Variants in BRF1 observed in about 807,000 individuals in gnomAD.
BRF1 encodes the protein BRF1 general transcription factor IIIB subunit.
In BRF1, 59 loss-of-function variants were observed where a neutral mutation model predicts 81.7. That is an observed-to-expected ratio of 0.72 (90% CI 0.59 to 0.90). The LOEUF (loss-of-function observed/expected upper bound fraction) is 0.90, where lower values mean the gene tolerates loss of function less well. Ranked by LOEUF, BRF1 falls within the 40% of genes least tolerant of loss-of-function variation. The probability of loss-of-function intolerance (pLI) is 0.00; values close to 1 mark genes in which losing one functional copy is unlikely to be tolerated. For synonymous variants in BRF1, 491 were observed against 395.6 expected (o/e 1.24, Z -2.86); for missense variants, 1,050 against 936.3 (o/e 1.12, Z -1.58).
chr14:105,293,661 G>A (rs780313150), intron 1 of BRF1, among the ~76,000 whole-genome samples: 1 of 152,150 alleles, frequency 6.6e-6, no homozygotes, highest in Admixed American at 6.5e-5. Flanking sequence ...CAACTCCACC[G>A]TCTGCCTGGC....
At chr14:105,229,235 G>T (rs1038654560) in intron 6 of BRF1, among the ~76,000 whole-genome samples, 12 of 152,248 alleles carry the variant, frequency 7.9e-5, no homozygotes, top group African/African-American at 2.9e-4. Context: ...GCTTGTGATG[G>T]GAGCTGGGGA....
rs760270 is a variant in BRF1 at position 105,271,448 on chromosome 14, A to G, written c.439+1273T>C. Among the ~76,000 whole-genome samples the G allele has an allele frequency of 0.24, 36,498 of 152,198 alleles. 4,687 individuals are homozygous for G. Among genetic ancestry groups the G allele is most frequent in the South Asian group, 0.28 (1,357 of 4,828 alleles). ...CAGGGGCGCAGGCTGGGAGGCAGAC[A>G]TGTGGCCGGGCACGCCACGCCCACC... On this transcript the variant is annotated intron_variant, in intron 3 of 17. Transcript: ENST00000547530. This position sits in a 1 kb window ranked among gnomAD's most constrained non-coding sequence, Gnocchi z 5.5.
At chr14:105,282,874 AG>A in intron 2 of BRF1, among the ~76,000 whole-genome samples, 1 of 152,340 alleles carries the variant, frequency 6.6e-6, no homozygotes, top group African/African-American at 2.4e-5. Flanking sequence ...CGGAGGTTGC[AG>A]TGAGCCCAGA....
intron 5 of BRF1, chr14:105,249,320 G>A (rs1362743499): frequency 1.3e-6 from 2 of 1,596,200 alleles, no homozygotes; most frequent in African/African-American, 2.7e-5. Context: ...CACGCAGCCT[G>A]CGGGAGAGCC....
At chr14:105,260,785 C>T (rs2056111857) in intron 3 of BRF1, among the ~76,000 whole-genome samples, 1 of 152,232 alleles carries the variant, frequency 6.6e-6, no homozygotes, top group African/African-American at 2.4e-5. Flanking sequence ...ATGAAAATCA[C>T]CTGGCACTTG....
At position 105,222,228 on chromosome 14, in the gene BRF1, C is replaced by G. The variant is rs1334601491; in HGVS notation, c.1049-314G>C. 21 of 289,712 alleles carry G rather than the reference C, an allele frequency of 7.2e-5. No homozygotes were observed. In the Admixed American group the frequency reaches 1.2e-3, roughly 16 times the overall value. 17.9% of individuals were successfully genotyped at this position (289,712 alleles called of 1,614,324 possible). Reference sequence around the variant, plus strand: ...TTCTAAAAGCAGAATCCATAAAACACTGATAAAACGGATTTCCAAAAAATT... The same window carrying G: ...TTCTAAAAGCAGAATCCATAAAACAGTGATAAAACGGATTTCCAAAAAATT... On this transcript the variant is annotated intron_variant, in intron 10 of 17. Transcript: ENST00000547530.
At chr14:105,286,741 G>A (rs1328259809) in intron 1 of BRF1, among the ~76,000 whole-genome samples, 3 of 152,182 alleles carry the variant, frequency 2.0e-5, no homozygotes, top group African/African-American at 7.2e-5. Flanking sequence ...AAGTAGCTGG[G>A]ACTATAGGTG....
upstream of BRF1, among the ~76,000 whole-genome samples, chr14:105,302,198 TTC>T (rs2058057674): frequency 6.6e-6 from 1 of 150,972 alleles, no homozygotes; most frequent in South Asian, 2.1e-4. Context: ...CCTCTTTTTT[TTC>T]TTTCTTTTTT....
chr14:105,241,526 G>A, intron 5 of BRF1, 112 bp from the exon 6 acceptor site: 1 of 1,387,994 alleles, frequency 7.2e-7, no homozygotes, highest in Non-Finnish European at 9.8e-7. Flanking sequence ...CAGGCCCCCA[G>A]GCCCCCCACC....
At chr14:105,285,230 A>G (rs375115670) in intron 2 of BRF1, among the ~76,000 whole-genome samples, 298 of 152,346 alleles carry the variant, frequency 2.0e-3, no homozygotes, top group Middle Eastern at 0.01. Flanking sequence ...GAAAGAGAGC[A>G]GTTAGAGGAC....
At chr14:105,295,303 CAAAA>C (rs869251134) in intron 1 of BRF1, among the ~76,000 whole-genome samples, 1 of 36,596 alleles carries the variant, frequency 2.7e-5, no homozygotes, top group Non-Finnish European at 6.2e-5. Flanking sequence ...CACATCTCTA[CAAAA>C]AAAAAAAAAA....
At chr14:105,283,556 G>A (rs2057198224) in intron 2 of BRF1, among the ~76,000 whole-genome samples, 1 of 152,212 alleles carries the variant, frequency 6.6e-6, no homozygotes, top group Admixed American at 6.5e-5. Flanking sequence ...CCTAATTAGG[G>A]AGCATGTATG....
chr14:105,294,167 T>C (rs1285360404), intron 1 of BRF1, among the ~76,000 whole-genome samples: 1 of 152,132 alleles, frequency 6.6e-6, no homozygotes, highest in Non-Finnish European at 1.5e-5. Flanking sequence ...CTCCCCACTC[T>C]CGGCCCAGGC....
chr14:105,269,305 G>C lies in BRF1; in HGVS notation c.439+3416C>G, dbSNP rs1302043020. 6.6e-6 allele frequency among the ~76,000 whole-genome samples: 1 copy of C among 152,152 alleles called. No individual in the cohort carries two copies. The highest frequency in any genetic ancestry group is 1.5e-5 in the Non-Finnish European group (1 of 68,030). ...CGAAGCATCCTCTGAGGATGCTGAAGGGAGCCCCACCAGGCCACCAGCAGC... is the reference window on the plus strand; with the variant it reads ...CGAAGCATCCTCTGAGGATGCTGAACGGAGCCCCACCAGGCCACCAGCAGC... On this transcript the variant is annotated intron_variant, in intron 3 of 17. Transcript: ENST00000547530. This position sits in a 1 kb window ranked among gnomAD's most constrained non-coding sequence, Gnocchi z 5.0.
chr14:105,229,087 C>T (rs767517690), intron 6 of BRF1, among the ~76,000 whole-genome samples, 174 bp from the exon 7 acceptor site: 1 of 151,438 alleles, frequency 6.6e-6, no homozygotes, highest in Non-Finnish European at 1.5e-5. Flanking sequence ...CGACATGACC[C>T]TCTCTATCTT....
At chr14:105,229,460 G>C (rs1006259128) in intron 6 of BRF1, among the ~76,000 whole-genome samples, 1 of 152,208 alleles carries the variant, frequency 6.6e-6, no homozygotes, top group Non-Finnish European at 1.5e-5. Context: ...TGGGCACGAG[G>C]GTAAGGGCCC....
At position 105,216,808 on chromosome 14, in the gene BRF1, C is replaced by T. The variant is rs587655893; in HGVS notation, c.1772+736G>A. 2.6e-4 allele frequency among the ~76,000 whole-genome samples: 39 copies of T among 152,340 alleles called. No homozygotes were observed. In the South Asian group the frequency reaches 8.1e-3, roughly 32 times the overall value. On this transcript the variant is annotated intron_variant, in intron 15 of 17. Transcript: ENST00000547530. The stretch of plus-strand genomic sequence containing the variant: ...AGTAGGACCAGCAGACACACCCAGC[C>T]CGGAGACTCGGTGGGGTGGAGTGAA...
At chr14:105,226,312 G>A in intron 8 of BRF1, 22 bp from the exon 9 acceptor site, 3 of 1,613,964 alleles carry the variant, frequency 1.9e-6, no homozygotes, top group Non-Finnish European at 2.5e-6. Flanking sequence ...CAGGGCAAGA[G>A]GCTTCGTGAA....
chr14:105,229,547 C>G (rs961172885), intron 6 of BRF1, among the ~76,000 whole-genome samples: 2 of 152,216 alleles, frequency 1.3e-5, no homozygotes, highest in Non-Finnish European at 2.9e-5. Flanking sequence ...ACGGCCACAT[C>G]CACCCACCAG....
Sources: allele counts gnomAD v4.1 joint callset (sites outside exome capture counted in the v4.1 genomes callset), GRCh38; gene constraint gnomAD v4.1.1; non-coding constraint Gnocchi (gnomAD v3.1); transcripts MANE v1.5; gene names NCBI Gene and HGNC (gene_info 2026-07-23, HGNC 2026-07-21).